The following KRT73 variants were observed in gnomAD, a reference collection of about 807,000 sequenced individuals.
KRT73 encodes keratin 73.
KRT73 carries 44 observed loss-of-function variants against 47.2 expected under a neutral mutation model. The ratio of observed to expected loss-of-function variants is 0.93; its 90% CI spans 0.73 to 1.20. The LOEUF (loss-of-function observed/expected upper bound fraction) is 1.20. Among genes scored for constraint, KRT73 ranks in the 50% most tolerant of loss-of-function variants. The pLI is 0.00. For missense variants in KRT73, 713 were observed against 704.5 expected (o/e 1.01, Z -0.14); for synonymous variants, 285 against 291.3 (o/e 0.98, Z 0.22).
chr12:52,617,136 A>G (rs1411838110), intron 1 of KRT73, among the ~76,000 whole-genome samples: 1 of 152,124 alleles, frequency 6.6e-6, no homozygotes, highest in Non-Finnish European at 1.5e-5. Context: ...GACAAGTTCT[A>G]CCATGCTGCA....
intron 7 of KRT73, 86 bp downstream of exon 7, chr12:52,610,529 G>GCGGGGGGGGCCCCCCCCCCCC: frequency 3.4e-6 from 1 of 295,156 alleles, no homozygotes; most frequent in Non-Finnish European, 6.8e-6. Flanking sequence ...CCAGCTCGCC[G>GCGGGGGGGGCCCCCCCCCCCC]CCCCCTCCCC....
intron 5 of KRT73, 85 bp from the exon 6 acceptor site, chr12:52,611,414 A>G (rs1356438799): frequency 1.9e-6 from 3 of 1,547,880 alleles, no homozygotes; most frequent in Middle Eastern, 1.8e-4. Flanking sequence ...CTGCACTTGC[A>G]GAGCCTGGCA....
intron 7 of KRT73, 89 bp downstream of exon 7, chr12:52,610,526 G>GCCCCCCCCCCC: frequency 2.5e-6 from 1 of 401,430 alleles, no homozygotes; most frequent in Non-Finnish European, 5.0e-6. Flanking sequence ...TCGCCAGCTC[G>GCCCCCCCCCCC]CCGCCCCCTC....
At chr12:52,625,062 A>G in the KRT73 span, among the ~76,000 whole-genome samples, 1 of 152,194 alleles carries the variant, frequency 6.6e-6, no homozygotes, top group Non-Finnish European at 1.5e-5. Flanking sequence ...GAAAAACAAT[A>G]GGGGAAATCC....
chr12:52,624,113 A>G, the KRT73 span, among the ~76,000 whole-genome samples: 1 of 152,086 alleles, frequency 6.6e-6, no homozygotes, highest in South Asian at 2.1e-4. Context: ...TTAACATCAG[A>G]TAAAGTATAC....
chr12:52,617,894 G>A (rs1259348273), intron 1 of KRT73, among the ~76,000 whole-genome samples, 184 bp downstream of exon 1: 3 of 152,170 alleles, frequency 2.0e-5, no homozygotes, highest in Admixed American at 6.5e-5. Context: ...GGGGCTCTAC[G>A]GCATGAGCAA....
chr12:52,621,135 C>T (rs1325147896), upstream of KRT73, among the ~76,000 whole-genome samples: 1 of 152,048 alleles, frequency 6.6e-6, no homozygotes, highest in African/African-American at 2.4e-5. Flanking sequence ...TTATATTTCA[C>T]ATCCCTTATA....
At chr12:52,618,585 G>T (rs867939307), upstream of KRT73, 1 of 1,509,440 alleles carries the variant, frequency 6.6e-7, no homozygotes, top group Non-Finnish European at 8.9e-7. Flanking sequence ...CAGTTCACCA[G>T]CCTGTGATCC....
intron 4 of KRT73, 63 bp downstream of exon 4, chr12:52,614,516 C>G: frequency 1.4e-6 from 2 of 1,403,816 alleles, no homozygotes; most frequent in South Asian, 2.6e-5. Context: ...AAGTAAGAAA[C>G]TGTTCATCAC....
chr12:52,609,377 A>G lies in KRT73; in HGVS notation c.1332-96T>C. 4 of 1,024,666 alleles carry G rather than the reference A, an allele frequency of 3.9e-6. No individual in the cohort carries two copies. In the South Asian group the frequency reaches 5.1e-5, roughly 13 times the overall value. 63.5% of individuals were successfully genotyped at this position (1,024,666 alleles called of 1,614,324 possible). On this transcript the variant is annotated intron_variant, in intron 7 of 8. Coordinates refer to ENST00000305748, the MANE Select transcript of KRT73 (RefSeq NM_175068.3). The stretch of plus-strand genomic sequence containing the variant: ...CAGGCTGGGGATCCCCAGCCAGACC[A>G]GCTCAGCCTTCACGCACCCCACACT...
the KRT73 span, among the ~76,000 whole-genome samples, chr12:52,627,460 A>G: frequency 6.6e-6 from 1 of 152,142 alleles, no homozygotes; most frequent in Non-Finnish European, 1.5e-5. Flanking sequence ...GCTGCTCAAA[A>G]CAGAGCTCAC....
chr12:52,613,445 GACTCTGTTTAC>G, intron 5 of KRT73: 1 of 535,678 alleles, frequency 1.9e-6, no homozygotes, highest in Non-Finnish European at 2.9e-6. Flanking sequence ...CCTCAGTCTG[GACTCTGTTTAC>G]ACCACATTCA....
At chr12:52,613,187 A>G (rs1374511476) in intron 5 of KRT73, among the ~76,000 whole-genome samples, 3 of 152,186 alleles carry the variant, frequency 2.0e-5, no homozygotes, top group Non-Finnish European at 1.5e-5. Context: ...TATCTAAAGA[A>G]TCACTTCCCA....
upstream of KRT73, among the ~76,000 whole-genome samples, chr12:52,620,393 C>T (rs1052841043): frequency 2.0e-5 from 3 of 152,210 alleles, no homozygotes; most frequent in Middle Eastern, 3.4e-3. Context: ...CGTGAGCCAC[C>T]GCACCTGACC....
At position 52,618,543 on chromosome 12, in the gene KRT73, T is replaced by C; in HGVS notation, c.-19A>G. Reference sequence around the variant, plus strand: ...GGCTCATGGTGGGGAGGCCAGAAAGTGGGGATAAGATGCTGACCCTTAGCT... The same window carrying C: ...GGCTCATGGTGGGGAGGCCAGAAAGCGGGGATAAGATGCTGACCCTTAGCT... On this transcript the variant is annotated 5_prime_UTR_variant, in exon 1 of 9. Coordinates refer to ENST00000305748, the MANE Select transcript of KRT73 (RefSeq NM_175068.3). The C allele has an allele frequency of 6.3e-7, 1 of 1,579,606 alleles. No homozygotes were observed. The highest frequency in any genetic ancestry group is 2.2e-5 in the East Asian group (1 of 44,558).
At chr12:52,629,130 G>T in the KRT73 span, among the ~76,000 whole-genome samples, 3 of 152,194 alleles carry the variant, frequency 2.0e-5, no homozygotes, top group East Asian at 1.9e-4. Flanking sequence ...CTCAGGGGAT[G>T]GTGCCCCCTC....
the KRT73 span, among the ~76,000 whole-genome samples, chr12:52,623,774 A>G: frequency 6.6e-6 from 1 of 152,098 alleles, no homozygotes; most frequent in East Asian, 1.9e-4. Context: ...GACTGTGATA[A>G]GTTATGTATA....
intron 3 of KRT73, chr12:52,614,905 T>C: frequency 1.8e-6 from 1 of 557,032 alleles, no homozygotes; most frequent in Non-Finnish European, 3.2e-6. Context: ...GAGAAGGGTG[T>C]GAGACTCTAT....
chr12:52,609,282 C>T lies in KRT73; in HGVS notation c.1332-1G>A. 1 of 1,613,480 alleles carries T rather than the reference C, an allele frequency of 6.2e-7. No homozygotes were observed. The highest frequency in any genetic ancestry group is 8.5e-7 in the Non-Finnish European group (1 of 1,179,422). ...GGAGTTGGTATATTCTCCGGACATC[C>T]TGCAAGAGAGAAAAGCACAGGAGAG... is the stretch of plus-strand genomic sequence containing the variant. On this transcript the variant is annotated splice_acceptor_variant, in intron 7 of 8. Transcript: ENST00000305748. LOFTEE classifies it high-confidence loss of function.
Sources: allele counts gnomAD v4.1 joint callset (sites outside exome capture counted in the v4.1 genomes callset), GRCh38; gene constraint gnomAD v4.1.1; transcripts MANE v1.5; gene names NCBI Gene and HGNC (gene_info 2026-07-23, HGNC 2026-07-21).